The following ARID1B variants were observed in gnomAD, a reference collection of about 807,000 sequenced individuals.
The protein encoded by ARID1B is AT-rich interaction domain 1B, also known as AT-rich interactive domain-containing protein 1B.
In ARID1B, 30 loss-of-function variants were observed where a neutral mutation model predicts 212.3. That is an observed-to-expected ratio of 0.14 (90% confidence interval 0.11 to 0.19). ARID1B has a LOEUF of 0.19. ARID1B is among the 10% of genes least tolerant of loss of function. The pLI is 1.00. For missense variants in ARID1B, 2,891 were observed against 3,204.0 expected (o/e 0.90, Z 2.36); for synonymous variants, 1,402 against 1,301.7 (o/e 1.08, Z -1.66).
intron 8 of ARID1B, among the ~76,000 whole-genome samples, chr6:157,163,836 T>G (rs1425892269): frequency 6.6e-6 from 1 of 152,230 alleles, no homozygotes; most frequent in Non-Finnish European, 1.5e-5. Flanking sequence ...AGCCAGGCAC[T>G]TGGTCTCACT....
intron 2 of ARID1B, among the ~76,000 whole-genome samples, chr6:156,862,840 C>G (rs1785429333): frequency 6.6e-6 from 1 of 152,166 alleles, no homozygotes; most frequent in African/African-American, 2.4e-5. Flanking sequence ...TCTTCCTGCT[C>G]ATGAAGAGAC....
At chr6:157,197,762 G>C (rs746765132) in intron 16 of ARID1B, among the ~76,000 whole-genome samples, 1 of 152,128 alleles carries the variant, frequency 6.6e-6, no homozygotes, top group Non-Finnish European at 1.5e-5. Context: ...AATTATCTGG[G>C]CTCTATCTAC....
intron 5 of ARID1B, among the ~76,000 whole-genome samples, chr6:157,090,703 C>A (rs763730544): frequency 6.6e-6 from 1 of 152,248 alleles, no homozygotes. Context: ...GAGGCGCTCA[C>A]CTGCCACCTG....
chr6:156,880,896 T>C (rs1026249989), intron 2 of ARID1B, among the ~76,000 whole-genome samples: 2 of 152,242 alleles, frequency 1.3e-5, no homozygotes, highest in Admixed American at 1.3e-4. Context: ...ATAGTCATTT[T>C]TTCGTGTTTC....
intron 1 of ARID1B, among the ~76,000 whole-genome samples, chr6:156,821,872 G>A (rs893211688): frequency 6.6e-6 from 1 of 152,168 alleles, no homozygotes; most frequent in African/African-American, 2.4e-5. Context: ...ACAGGCAGTG[G>A]TCATCTTTCT....
intron 2 of ARID1B, among the ~76,000 whole-genome samples, chr6:156,861,380 T>A (rs977281417): frequency 2.6e-5 from 4 of 152,066 alleles, no homozygotes; most frequent in African/African-American, 4.8e-5. Flanking sequence ...GCCGGTGAAT[T>A]GCTGGACACA....
At chr6:157,092,949 T>C (rs1326113231) in intron 5 of ARID1B, among the ~76,000 whole-genome samples, 1 of 152,200 alleles carries the variant, frequency 6.6e-6, no homozygotes, top group African/African-American at 2.4e-5. Context: ...CACCTCGTTC[T>C]GTTTGTTTTC....
chr6:156,881,736 T>G (rs1180282305), intron 2 of ARID1B, among the ~76,000 whole-genome samples: 5 of 152,204 alleles, frequency 3.3e-5, no homozygotes, highest in Non-Finnish European at 5.9e-5. Context: ...AAAAATTGCC[T>G]CACGGTTTGG....
chr6:157,009,044 T>G (rs939926701), intron 4 of ARID1B, among the ~76,000 whole-genome samples: 23 of 152,218 alleles, frequency 1.5e-4, no homozygotes, highest in Admixed American at 1.3e-4. Flanking sequence ...TCGGCTTCTT[T>G]GTAAATACCA....
chr6:156,811,939 T>C (rs917771415), intron 1 of ARID1B, among the ~76,000 whole-genome samples: 5 of 152,222 alleles, frequency 3.3e-5, no homozygotes, highest in Non-Finnish European at 5.9e-5. Context: ...AATATGACCT[T>C]GGGCAAATTA....
At chr6:156,851,915 T>A (rs1784603908) in intron 2 of ARID1B, among the ~76,000 whole-genome samples, 1 of 152,150 alleles carries the variant, frequency 6.6e-6, no homozygotes. Context: ...CAGCCTCTCA[T>A]TCTTTAAAGG....
chr6:157,059,633 A>C (rs1783212856), intron 4 of ARID1B, among the ~76,000 whole-genome samples: 2 of 152,192 alleles, frequency 1.3e-5, no homozygotes, highest in African/African-American at 4.8e-5. Context: ...CCCTGTGGAA[A>C]GCTCTGGGGT....
At position 157,196,211 on chromosome 6, in the gene ARID1B, C is replaced by T. The variant is rs769028104; in HGVS notation, c.4278C>T (p.Asn1426=). The part of the protein sequence containing the change: ...EPFMTQGQMP[N]SSMQDMYNQS... ...TTATGACGCAAGGACAGATGCCCAA[C>T]AGCAGCATGCAGGACATGTACAACC... The change falls in exon 16 of 20, where the codon AAC becomes AAT. Residue 1426 remains asparagine, a synonymous_variant. Transcript: ENST00000636930. The T allele has an allele frequency of 1.9e-6, 3 of 1,613,746 alleles. No individual in the cohort carries two copies. Among genetic ancestry groups the T allele is most frequent in the African/African-American group, 1.3e-5 (1 of 75,000 alleles).
rs539003221 is a variant in ARID1B, at chr6:157,201,653, A to G, written c.5263+165A>G. ...AGGAGTAATATAGTTGGAGGCTGCTAATCTGAATTAAGAAATAGTGCCAGA... is the reference window on the plus strand; with the variant it reads ...AGGAGTAATATAGTTGGAGGCTGCTGATCTGAATTAAGAAATAGTGCCAGA... On this transcript the variant is annotated intron_variant, in intron 18 of 19. Transcript: ENST00000636930. The surrounding 1 kb of genome is among the most constrained non-coding windows in gnomAD (Gnocchi z 5.2). Among the ~76,000 whole-genome samples the G allele has an allele frequency of 2.2e-4, 33 of 152,352 alleles. No individual in the cohort carries two copies. The South Asian group carries it at 3.7e-3, about 17-fold the overall frequency.
intron 4 of ARID1B, among the ~76,000 whole-genome samples, chr6:157,034,552 TG>T (rs1781203820): frequency 6.6e-6 from 1 of 152,246 alleles, no homozygotes; most frequent in Admixed American, 6.5e-5. Flanking sequence ...TTCAAATTTA[TG>T]ACAAAAGGAA....
intron 3 of ARID1B, among the ~76,000 whole-genome samples, chr6:156,913,568 A>ACAGATCTCTTGAACTTATTCTTCC (rs1369015645): frequency 1.3e-5 from 2 of 152,168 alleles, no homozygotes; most frequent in East Asian, 3.9e-4. Context: ...ATGTTGTACA[A>ACAGATCTCTTGAACTTATTCTTCC]CAGATCTCTT....
At chr6:156,870,537 T>C (rs994818333) in intron 2 of ARID1B, 1 of 152,204 alleles carries the variant, frequency 6.6e-6, no homozygotes, top group Non-Finnish European at 1.5e-5. Context: ...ATTGCCTTCG[T>C]TGTCTTTTCT....
At chr6:156,852,483 C>T (rs528142305) in intron 2 of ARID1B, among the ~76,000 whole-genome samples, 2 of 151,904 alleles carry the variant, frequency 1.3e-5, no homozygotes, top group Non-Finnish European at 2.9e-5. Flanking sequence ...AAATTAAGAG[C>T]CAGTGATTTG....
At chr6:156,969,205 A>AT (rs1309991694) in intron 4 of ARID1B, among the ~76,000 whole-genome samples, 5 of 152,226 alleles carry the variant, frequency 3.3e-5, no homozygotes, top group Non-Finnish European at 5.9e-5. Flanking sequence ...GAGTAAAGAC[A>AT]TATCTTGCTG....
Sources: gnomAD v4.1 joint callset for allele counts (sites outside exome capture counted in the v4.1 genomes callset) on GRCh38, gnomAD v4.1.1 for gene constraint, Gnocchi (gnomAD v3.1) non-coding constraint, MANE v1.5 for transcripts, NCBI Gene and HGNC (gene_info 2026-07-23, HGNC 2026-07-21) for gene names.